The following RAB33A variants were observed in gnomAD, a reference collection of about 807,000 sequenced individuals.
The protein encoded by RAB33A is ras-related protein Rab-33A.
In RAB33A, 6 loss-of-function variants were observed where a neutral mutation model predicts 12.0. That is an observed-to-expected ratio of 0.50 (90% CI 0.27 to 0.99). The LOEUF is 0.99. Among genes scored for constraint, RAB33A ranks in the 50% least tolerant of loss-of-function variants. The probability of loss-of-function intolerance (pLI) is 0.11; values close to 1 mark genes in which losing one functional copy is unlikely to be tolerated. For missense variants in RAB33A, 109 were observed against 192.0 expected (o/e 0.57, Z 2.55); for synonymous variants, 70 against 82.4 (o/e 0.85, Z 0.81).
the RAB33A span, among the ~76,000 whole-genome samples, chrX:130,148,795 T>C: frequency 1.3e-5 from 1 of 75,449 alleles, no homozygotes; most frequent in Non-Finnish European, 2.3e-5. Flanking sequence ...ATCGGGCCAC[T>C]GCACTCCAGC....
At chrX:130,157,037 C>T in the RAB33A span, among the ~76,000 whole-genome samples, 1 of 111,606 alleles carries the variant, frequency 9.0e-6, no homozygotes, top group African/African-American at 3.3e-5. Context: ...CAAAATAAAA[C>T]GCAACACTCT....
chrX:130,149,892 T>C, the RAB33A span, among the ~76,000 whole-genome samples: 1 of 112,210 alleles, frequency 8.9e-6, no homozygotes, highest in Non-Finnish European at 1.9e-5. Flanking sequence ...AAGAATAAAG[T>C]GCTAGAAAGG....
At chrX:130,151,353 C>A in the RAB33A span, among the ~76,000 whole-genome samples, 3 of 110,846 alleles carry the variant, frequency 2.7e-5, no homozygotes, top group East Asian at 8.5e-4. Context: ...GTTGGCCAGG[C>A]TGGTCTTGAA....
the RAB33A span, among the ~76,000 whole-genome samples, chrX:130,151,139 ATTCTT>A: frequency 4.3e-3 from 470 of 108,412 alleles, 2 homozygotes; most frequent in African/African-American, 0.015. Context: ...CATAAAACAT[ATTCTT>A]TTCTTTTTTT....
chrX:130,175,492 C>CTTT (rs5903795), intron 1 of RAB33A, among the ~76,000 whole-genome samples: 48 of 75,529 alleles, frequency 6.4e-4, no homozygotes, highest in African/African-American at 1.0e-3. Context: ...ACTGGGTTTA[C>CTTT]TTTTTTTTTT....
At chrX:130,165,943 G>T in the RAB33A span, 1 of 379,836 alleles carries the variant, frequency 2.6e-6, no homozygotes, top group South Asian at 3.3e-5. Flanking sequence ...CCGCAAGCTC[G>T]CAAAGACGCT....
At chrX:130,134,860 CAA>C in the RAB33A span, among the ~76,000 whole-genome samples, 443 of 111,411 alleles carry the variant, frequency 4.0e-3, 2 homozygotes, top group Middle Eastern at 0.028. Context: ...AAACTGTTTA[CAA>C]AGTCTGAAGC....
At chrX:130,113,176 G>A in the RAB33A span, among the ~76,000 whole-genome samples, 7 of 99,173 alleles carry the variant, frequency 7.1e-5, no homozygotes, top group Non-Finnish European at 1.4e-4. Flanking sequence ...CACCTCCCGG[G>A]TTCATGCCAT....
the RAB33A span, among the ~76,000 whole-genome samples, chrX:130,135,227 C>G: frequency 3.7e-5 from 4 of 109,239 alleles, no homozygotes; most frequent in Non-Finnish European, 7.6e-5. Flanking sequence ...GCTGGGATTA[C>G]AGGCCTGTGC....
chrX:130,165,416 A>C, the RAB33A span: 1 of 561,582 alleles, frequency 1.8e-6, no homozygotes, highest in East Asian at 3.6e-5. Context: ...CAGGGTTCGG[A>C]GTCTGCCAAT....
chrX:130,184,588 A>G lies in RAB33A; in HGVS notation c.562A>G (p.Ser188Gly). ...GACATCGGCCAAGGACCCCAAAGAGAGCCAGAACGTGGAGTCGATTTTCAT... is the reference window on the plus strand; with the variant it reads ...GACATCGGCCAAGGACCCCAAAGAGGGCCAGAACGTGGAGTCGATTTTCAT... ...FETSAKDPKE[S>G]QNVESIFMCL... The change falls in exon 2 of 2, where the codon AGC becomes GGC. Residue 188 changes from serine to glycine, a missense_variant. Transcript: ENST00000257017. 8.3e-7 allele frequency: 1 copy of G among 1,211,505 alleles called. No individual in the cohort carries two copies. The highest frequency in any genetic ancestry group is 1.1e-6 in the Non-Finnish European group (1 of 895,512).
In RAB33A at chrX:130,184,358, A is replaced by G. The variant is rs2031763271; in HGVS notation, c.332A>G (p.His111Arg). The G allele has an allele frequency of 8.3e-7, 1 of 1,212,119 alleles. No individual in the cohort carries two copies. Among genetic ancestry groups the G allele is most frequent in the Non-Finnish European group, 1.1e-6 (1 of 895,561 alleles). Reference protein sequence around the residue: ...SMVEHYYRNVHAVVFVYDVTK... With the variant: ...SMVEHYYRNVRAVVFVYDVTK... ...GTCGAGCATTACTACCGCAACGTAC[A>G]TGCCGTGGTCTTCGTCTATGACGTC... is the stretch of plus-strand genomic sequence containing the variant. Residue 111 changes from histidine to arginine, a missense_variant, in exon 2 of 2, where the codon CAT (histidine) becomes CGT (arginine). Coordinates refer to ENST00000257017, the MANE Select transcript of RAB33A (RefSeq NM_004794.3).
the RAB33A span, among the ~76,000 whole-genome samples, chrX:130,162,936 TAAATA>T: frequency 1.8e-5 from 2 of 111,333 alleles, no homozygotes; most frequent in African/African-American, 6.5e-5. Flanking sequence ...AGCATCCAAA[TAAATA>T]AAGTAAATAA....
At chrX:130,145,442 C>T in the RAB33A span, 20 of 1,072,414 alleles carry the variant, frequency 1.9e-5, no homozygotes, top group Non-Finnish European at 2.6e-5. Flanking sequence ...TGGGCAAGTA[C>T]GTAGAGCCTG....
intron 1 of RAB33A, among the ~76,000 whole-genome samples, chrX:130,173,662 A>G (rs1380261757): frequency 8.9e-6 from 1 of 111,901 alleles, no homozygotes; most frequent in Non-Finnish European, 1.9e-5. Flanking sequence ...TGAAATCGTG[A>G]TCTTTTTTGC....
upstream of RAB33A, among the ~76,000 whole-genome samples, chrX:130,169,051 CA>C (rs1489153996): frequency 1.1e-4 from 12 of 109,304 alleles, no homozygotes; most frequent in African/African-American, 3.7e-4. Context: ...ACTAAAAATA[CA>C]AAAAAATTAG....
rs558618973 is a variant in RAB33A at position 130,184,596 on chromosome X, C to T, written c.570C>T (p.Asn190=). 76 of 1,209,642 alleles carry T rather than the reference C, an allele frequency of 6.3e-5. No homozygotes were observed. Among genetic ancestry groups the T allele is most frequent in the South Asian group, 5.1e-4 (29 of 56,791 alleles). ...TSAKDPKESQ[N]VESIFMCLAC... ...CCAAGGACCCCAAAGAGAGCCAGAA[C>T]GTGGAGTCGATTTTCATGTGCTTGG... Residue 190 remains asparagine, a synonymous_variant, in exon 2 of 2, where the codon AAC becomes AAT. Coordinates refer to ENST00000257017, the MANE Select transcript of RAB33A (RefSeq NM_004794.3).
intron 1 of RAB33A, among the ~76,000 whole-genome samples, chrX:130,180,479 G>A (rs2031712307): frequency 9.0e-6 from 1 of 110,629 alleles, no homozygotes; most frequent in African/African-American, 3.3e-5. Context: ...TTTTGAGATG[G>A]AGTTTAGCTC....
the RAB33A span, among the ~76,000 whole-genome samples, chrX:130,151,285 C>T: frequency 9.1e-6 from 1 of 109,837 alleles, no homozygotes; most frequent in Non-Finnish European, 1.9e-5. Flanking sequence ...GGACTACAGG[C>T]ACACGCCACC....
Sources: gnomAD v4.1 joint callset for allele counts (sites outside exome capture counted in the v4.1 genomes callset) on GRCh38, gnomAD v4.1.1 for gene constraint, MANE v1.5 for transcripts, NCBI Gene and HGNC (gene_info 2026-07-23, HGNC 2026-07-21) for gene names.